The following IMMP2L variants were observed in gnomAD, a reference collection of about 807,000 sequenced individuals.
IMMP2L encodes the protein inner mitochondrial membrane peptidase subunit 2.
A neutral mutation model predicts 19.3 loss-of-function variants in IMMP2L; 18 were observed. The observed-to-expected ratio is 0.93, with a 90% CI of 0.64 to 1.38. IMMP2L has a LOEUF of 1.38. Among genes scored for constraint, IMMP2L ranks in the 40% most tolerant of loss-of-function variants. The pLI is 0.00. For synonymous variants in IMMP2L, 76 were observed against 73.0 expected (o/e 1.04, Z -0.21); for missense variants, 233 against 218.2 (o/e 1.07, Z -0.43).
At chr7:111,159,946 G>A (rs1021129079) in intron 3 of IMMP2L, among the ~76,000 whole-genome samples, 1 of 151,970 alleles carries the variant, frequency 6.6e-6, no homozygotes, top group African/African-American at 2.4e-5. Context: ...CAGACTAGCT[G>A]CATTTCAAGT....
At chr7:110,842,718 C>T (rs369895320) in intron 5 of IMMP2L, among the ~76,000 whole-genome samples, 1 of 152,168 alleles carries the variant, frequency 6.6e-6, no homozygotes, top group Non-Finnish European at 1.5e-5. Flanking sequence ...AAAGGATAGG[C>T]TGTTCCCCTA....
At chr7:111,507,566 T>C (rs1845045988) in intron 2 of IMMP2L, among the ~76,000 whole-genome samples, 1 of 152,150 alleles carries the variant, frequency 6.6e-6, no homozygotes, top group Non-Finnish European at 1.5e-5. Context: ...TTGTCCAGCG[T>C]CTGCCAACAC....
At chr7:111,500,689 C>T (rs113020942) in intron 2 of IMMP2L, among the ~76,000 whole-genome samples, 3,051 of 152,242 alleles carry the variant, frequency 0.02, 104 homozygotes, top group African/African-American at 0.069. Flanking sequence ...CTGCAGCCAC[C>T]GCTGCTGATA....
intron 1 of IMMP2L, among the ~76,000 whole-genome samples, chr7:111,538,298 T>C (rs981547598): frequency 1.3e-5 from 2 of 152,038 alleles, no homozygotes; most frequent in Non-Finnish European, 2.9e-5. Flanking sequence ...TGATATAAGT[T>C]CTGGAGGCCT....
intron 5 of IMMP2L, among the ~76,000 whole-genome samples, chr7:110,814,237 G>C (rs984911621): frequency 6.6e-6 from 1 of 151,864 alleles, no homozygotes; most frequent in Admixed American, 6.6e-5. Flanking sequence ...CACAGGAATG[G>C]TGTATAATGT....
rs1812007754 is a variant in IMMP2L, at chr7:110,902,639, A to G, written c.306-15944T>C. On this transcript the variant is annotated intron_variant, in intron 4 of 5. Transcript: ENST00000405709. ...TTTAATATCAATCTAAAGAGTACAG[A>G]CTCGGCCGGGCGCGGTGGCTCACGC... Among the ~76,000 whole-genome samples, 2 of 105,960 alleles carry G rather than the reference A, an allele frequency of 1.9e-5. 1 individual carries two copies. Among genetic ancestry groups the G allele is most frequent in the Non-Finnish European group, 3.7e-5 (2 of 54,704 alleles). The allele number at this position is 105,960 out of a possible 152,430, so 69.5% of individuals were successfully genotyped here.
At chr7:110,801,923 G>A (rs911798922) in intron 5 of IMMP2L, among the ~76,000 whole-genome samples, 2 of 152,058 alleles carry the variant, frequency 1.3e-5, no homozygotes, top group Non-Finnish European at 2.9e-5. Flanking sequence ...AGGAGAAGCA[G>A]CAAACTCACA....
intron 5 of IMMP2L, among the ~76,000 whole-genome samples, chr7:110,793,627 T>G (rs1392601092): frequency 6.6e-6 from 1 of 152,022 alleles, no homozygotes; most frequent in Non-Finnish European, 1.5e-5. Flanking sequence ...AGTATAAAGC[T>G]GCAGTTATGT....
At chr7:111,218,207 G>A (rs1812156790) in intron 3 of IMMP2L, among the ~76,000 whole-genome samples, 4 of 151,976 alleles carry the variant, frequency 2.6e-5, no homozygotes, top group Non-Finnish European at 5.9e-5. Context: ...TATCTGCTCT[G>A]TTCTGAAGTT....
rs1053791348 is a variant in IMMP2L, at chr7:110,986,555, C to T, written c.240-22990G>A. ...GTTTTGAGGCTTCCCAGGTCTCTTA[C>T]GAATCTTGCCTTAGAGCTTGTCACC... On this transcript the variant is annotated intron_variant, in intron 3 of 5. Coordinates refer to ENST00000405709, the MANE Select transcript of IMMP2L (RefSeq NM_032549.4). 4.6e-5 allele frequency among the ~76,000 whole-genome samples: 7 copies of T among 152,228 alleles called. No individual in the cohort carries two copies. In the East Asian group the frequency reaches 9.6e-4, roughly 21 times the overall value.
chr7:111,002,213 G>T (rs1215221499), intron 3 of IMMP2L, among the ~76,000 whole-genome samples: 1 of 152,068 alleles, frequency 6.6e-6, no homozygotes, highest in African/African-American at 2.4e-5. Context: ...AAGACACAAG[G>T]TATAGGTAAA....
intron 1 of IMMP2L, among the ~76,000 whole-genome samples, chr7:111,525,771 T>G (rs1312022759): frequency 1.3e-5 from 2 of 152,158 alleles, no homozygotes; most frequent in African/African-American, 4.8e-5. Context: ...ACTAAAATTA[T>G]GCTCATAATT....
chr7:111,118,518 T>C (rs1035594886), intron 3 of IMMP2L, among the ~76,000 whole-genome samples: 2 of 152,076 alleles, frequency 1.3e-5, no homozygotes, highest in African/African-American at 4.8e-5. Context: ...CACCATTTAT[T>C]TGTTGTGTGG....
At chr7:111,499,405 G>C (rs948894094) in intron 2 of IMMP2L, among the ~76,000 whole-genome samples, 1 of 152,010 alleles carries the variant, frequency 6.6e-6, no homozygotes, top group African/African-American at 2.4e-5. Flanking sequence ...CCCTTCCTAA[G>C]AGCCCCAAGG....
intron 3 of IMMP2L, among the ~76,000 whole-genome samples, chr7:111,339,294 C>A (rs1826774885): frequency 6.6e-6 from 1 of 151,830 alleles, no homozygotes; most frequent in Admixed American, 6.6e-5. Flanking sequence ...TCATTTAGCA[C>A]CAGCCATGAA....
intron 5 of IMMP2L, among the ~76,000 whole-genome samples, chr7:110,690,431 C>T (rs1268981418): frequency 1.3e-5 from 2 of 151,868 alleles, no homozygotes; most frequent in African/African-American, 4.8e-5. Context: ...TTTTAAAAAC[C>T]TCGGTTGTTG....
At chr7:111,241,762 A>C (rs1182131702) in intron 3 of IMMP2L, among the ~76,000 whole-genome samples, 1 of 151,614 alleles carries the variant, frequency 6.6e-6, no homozygotes, top group African/African-American at 2.4e-5. Flanking sequence ...TTTTCCACCA[A>C]GGAAGAAATT....
At chr7:111,093,656 A>G (rs1013384469) in intron 3 of IMMP2L, among the ~76,000 whole-genome samples, 2 of 152,174 alleles carry the variant, frequency 1.3e-5, no homozygotes, top group African/African-American at 4.8e-5. Flanking sequence ...TACAGAGATC[A>G]GTAATGTGCC....
chr7:110,815,903 T>A (rs1035054008), intron 5 of IMMP2L, among the ~76,000 whole-genome samples: 1 of 152,110 alleles, frequency 6.6e-6, no homozygotes, highest in Non-Finnish European at 1.5e-5. Context: ...TTTCTTGATC[T>A]TTTCAAAAAA....
Sources: allele counts gnomAD v4.1 joint callset (sites outside exome capture counted in the v4.1 genomes callset), GRCh38; gene constraint gnomAD v4.1.1; transcripts MANE v1.5; gene names NCBI Gene and HGNC (gene_info 2026-07-23, HGNC 2026-07-21).